CNTNAP2: variants seen among roughly 807,000 people sequenced by gnomAD.
The protein encoded by CNTNAP2 is contactin-associated protein-like 2.
Under a neutral mutation model 155.2 loss-of-function variants are expected in CNTNAP2, and 98 were observed. The ratio of observed to expected loss-of-function variants is 0.63; its 90% confidence interval spans 0.54 to 0.75. The LOEUF (loss-of-function observed/expected upper bound fraction) is 0.75, where lower values mean the gene tolerates loss of function less well. CNTNAP2 is among the 30% of genes least tolerant of loss of function. The probability of loss-of-function intolerance (pLI) is 0.00; values close to 1 mark genes in which losing one functional copy is unlikely to be tolerated. For synonymous variants in CNTNAP2, 651 were observed against 631.2 expected (o/e 1.03, Z -0.47); for missense variants, 1,727 against 1,688.1 (o/e 1.02, Z -0.40).
intron 10 of CNTNAP2, among the ~76,000 whole-genome samples, chr7:147,440,516 T>A (rs1019174919): frequency 2.0e-5 from 3 of 152,148 alleles, no homozygotes; most frequent in African/African-American, 7.2e-5. Context: ...ACATCATGGT[T>A]ACCATGTTAT....
chr7:147,712,111 C>T (rs1796409037), intron 13 of CNTNAP2, among the ~76,000 whole-genome samples: 1 of 152,136 alleles, frequency 6.6e-6, no homozygotes, highest in Non-Finnish European at 1.5e-5. Flanking sequence ...CACGTTCCTT[C>T]AGGCAAAAAT....
chr7:147,384,110 G>T (rs1796588518), intron 9 of CNTNAP2, among the ~76,000 whole-genome samples: 1 of 152,140 alleles, frequency 6.6e-6, no homozygotes, highest in Admixed American at 6.5e-5. Flanking sequence ...GGAAGAAAGG[G>T]TTTGGTTTTC....
intron 8 of CNTNAP2, among the ~76,000 whole-genome samples, chr7:147,151,959 G>A (rs1801836314): frequency 1.3e-5 from 2 of 151,980 alleles, no homozygotes; most frequent in South Asian, 4.1e-4. Flanking sequence ...ATGTACTTTT[G>A]CATCCAAATT....
At chr7:146,666,034 A>T (rs1388747538) in intron 1 of CNTNAP2, among the ~76,000 whole-genome samples, 1 of 151,964 alleles carries the variant, frequency 6.6e-6, no homozygotes, top group Non-Finnish European at 1.5e-5. Flanking sequence ...TGAAACTATA[A>T]AGTATATGAT....
intron 15 of CNTNAP2, among the ~76,000 whole-genome samples, chr7:148,117,193 G>C (rs1804491820): frequency 6.6e-6 from 1 of 152,174 alleles, no homozygotes. Context: ...GTGGGGAGAG[G>C]CAGCTGGTAC....
intron 2 of CNTNAP2, among the ~76,000 whole-genome samples, chr7:146,801,302 A>T (rs897868997): frequency 6.6e-6 from 1 of 152,140 alleles, no homozygotes; most frequent in Non-Finnish European, 1.5e-5. Flanking sequence ...CACCCCCATG[A>T]TCCAAACATC....
At chr7:147,342,852 C>G (rs1174963021) in intron 9 of CNTNAP2, among the ~76,000 whole-genome samples, 1 of 152,024 alleles carries the variant, frequency 6.6e-6, no homozygotes, top group African/African-American at 2.4e-5. Flanking sequence ...TAAGGGTGCT[C>G]CCAAAGTTGA....
At chr7:146,224,691 C>T (rs1213760690) in intron 1 of CNTNAP2, among the ~76,000 whole-genome samples, 1 of 152,054 alleles carries the variant, frequency 6.6e-6, no homozygotes, top group Non-Finnish European at 1.5e-5. Flanking sequence ...ATGGCGTGAA[C>T]CCGGGAGGCG....
At chr7:146,360,202 C>A (rs1343855631) in intron 1 of CNTNAP2, among the ~76,000 whole-genome samples, 1 of 152,150 alleles carries the variant, frequency 6.6e-6, no homozygotes, top group Non-Finnish European at 1.5e-5. Context: ...GACAGAAGTA[C>A]ACTTCCCTTG....
intron 1 of CNTNAP2, among the ~76,000 whole-genome samples, chr7:146,129,082 A>C (rs1016312993): frequency 2.6e-5 from 4 of 152,196 alleles, no homozygotes; most frequent in African/African-American, 4.8e-5. Context: ...TATTAGAAAA[A>C]TGTTACTGCA....
intron 15 of CNTNAP2, among the ~76,000 whole-genome samples, chr7:148,094,209 T>A (rs1179076654): frequency 2.6e-5 from 4 of 152,208 alleles, no homozygotes; most frequent in African/African-American, 9.6e-5. Context: ...CTCAATGGCT[T>A]CATCTGCAAA....
intron 3 of CNTNAP2, among the ~76,000 whole-genome samples, chr7:146,926,149 A>G (rs771122713): frequency 3.3e-5 from 5 of 152,144 alleles, no homozygotes; most frequent in Non-Finnish European, 7.4e-5. Context: ...CTAGCTAACC[A>G]ATCTTTCAGA....
chr7:147,486,161 A>T (rs1350272911), intron 11 of CNTNAP2, 120 bp downstream of exon 11: 4 of 735,420 alleles, frequency 5.4e-6, no homozygotes, highest in Admixed American at 2.8e-5. Context: ...AATCTGAAAA[A>T]CCAAGATTCC....
intron 20 of CNTNAP2, among the ~76,000 whole-genome samples, chr7:148,246,882 T>G (rs1796271439): frequency 6.6e-6 from 1 of 152,180 alleles, no homozygotes; most frequent in Non-Finnish European, 1.5e-5. Context: ...GTCAGGAAAT[T>G]TTCTTTCTAT....
At chr7:147,349,303 TAAAAC>T (rs1795930254) in intron 9 of CNTNAP2, among the ~76,000 whole-genome samples, 1 of 151,808 alleles carries the variant, frequency 6.6e-6, no homozygotes, top group Non-Finnish European at 1.5e-5. Context: ...TCAGAAATAT[TAAAAC>T]AAAAGATACT....
chr7:146,362,005 A>C (rs1795089114), intron 1 of CNTNAP2, among the ~76,000 whole-genome samples: 3 of 152,262 alleles, frequency 2.0e-5, no homozygotes, highest in African/African-American at 7.2e-5. Flanking sequence ...AAAATATATA[A>C]ATAGATATAT....
intron 2 of CNTNAP2, among the ~76,000 whole-genome samples, chr7:146,827,014 T>C (rs888920689): frequency 6.6e-6 from 1 of 151,790 alleles, no homozygotes; most frequent in African/African-American, 2.4e-5. Flanking sequence ...ATTAAGGAGA[T>C]TTTTTTCAAT....
intron 1 of CNTNAP2, among the ~76,000 whole-genome samples, chr7:146,734,299 A>G (rs923251278): frequency 6.6e-6 from 1 of 152,110 alleles, no homozygotes; most frequent in African/African-American, 2.4e-5. Context: ...ATTAATATAA[A>G]TATATAGAGA....
Position 147,108,130 on chromosome 7 carries a change from T to G in CNTNAP2, c.551-17T>G. On this transcript the variant is annotated splice_polypyrimidine_tract_variant and intron_variant, in intron 4 of 23. Coordinates refer to ENST00000361727, the MANE Select transcript of CNTNAP2 (RefSeq NM_014141.6). ...ATACATGGCTGAACTAATATGTTATTTTTTTTTTTGTTTTAGGGGCTGATG... is the reference window on the plus strand; with the variant it reads ...ATACATGGCTGAACTAATATGTTATGTTTTTTTTTGTTTTAGGGGCTGATG... The G allele has an allele frequency of 6.5e-7, 1 of 1,550,014 alleles. No homozygotes were observed.
Sources: gnomAD v4.1 joint callset for allele counts (sites outside exome capture counted in the v4.1 genomes callset) on GRCh38, gnomAD v4.1.1 for gene constraint, MANE v1.5 for transcripts, NCBI Gene and HGNC (gene_info 2026-07-23, HGNC 2026-07-21) for gene names.